The following PPARGC1A variants were observed in gnomAD, a reference collection of about 807,000 sequenced individuals.
PPARGC1A encodes peroxisome proliferator-activated receptor gamma coactivator 1-alpha.
Under a neutral mutation model 88.7 loss-of-function variants are expected in PPARGC1A, and 25 were observed. That is an observed-to-expected ratio of 0.28 (90% CI 0.21 to 0.39). PPARGC1A has a LOEUF of 0.39. PPARGC1A is among the 10% of genes least tolerant of loss of function. PPARGC1A has a pLI of 1.00. For synonymous variants in PPARGC1A, 363 were observed against 355.6 expected (o/e 1.02, Z -0.24); for missense variants, 880 against 968.7 (o/e 0.91, Z 1.22).
chr4:24,143,503 G>C, the PPARGC1A span, among the ~76,000 whole-genome samples: 3,418 of 152,246 alleles, frequency 0.022, 131 homozygotes, highest in African/African-American at 0.078. Context: ...GATCAAGCAA[G>C]AATAGCAAGA....
chr4:24,048,905 A>G, the PPARGC1A span, among the ~76,000 whole-genome samples: 1 of 152,162 alleles, frequency 6.6e-6, no homozygotes, highest in African/African-American at 2.4e-5. Context: ...TCCTTAGTCA[A>G]CATATGGCAT....
chr4:23,918,894 C>A, the PPARGC1A span, among the ~76,000 whole-genome samples: 1,155 of 152,164 alleles, frequency 7.6e-3, 16 homozygotes, highest in African/African-American at 0.026. Context: ...CAATTCCTAT[C>A]CTATACATTT....
intron 2 of PPARGC1A, among the ~76,000 whole-genome samples, chr4:23,876,589 G>A (rs775326555): frequency 1.1e-4 from 16 of 152,060 alleles, no homozygotes; most frequent in Non-Finnish European, 1.0e-4. Flanking sequence ...GAAGGGCATC[G>A]GCCACCAGGG....
At chr4:24,194,656 ACACACACACACAC>A in the PPARGC1A span, among the ~76,000 whole-genome samples, 37 of 19,464 alleles carry the variant, frequency 1.9e-3, no homozygotes, top group South Asian at 9.2e-3. Flanking sequence ...ACACACACAC[ACACACACACACAC>A]CCCCATCAAG....
the PPARGC1A span, among the ~76,000 whole-genome samples, chr4:24,450,442 C>CTTGTGCAACGA: frequency 1.3e-5 from 2 of 152,214 alleles, no homozygotes; most frequent in Non-Finnish European, 2.9e-5. Flanking sequence ...AGACCTTCGC[C>CTTGTGCAACGA]ATCACATTAT....
chr4:23,993,101 C>CA, the PPARGC1A span, among the ~76,000 whole-genome samples: 36 of 150,916 alleles, frequency 2.4e-4, no homozygotes, highest in East Asian at 9.7e-4. Context: ...GTAAAGCAAA[C>CA]AAAAAAAAGG....
chr4:24,286,500 C>A, the PPARGC1A span, among the ~76,000 whole-genome samples: 1 of 152,274 alleles, frequency 6.6e-6, no homozygotes, highest in Non-Finnish European at 1.5e-5. Flanking sequence ...CAACAGATGC[C>A]TAGGAAGAAA....
At chr4:24,054,475 T>A in the PPARGC1A span, among the ~76,000 whole-genome samples, 1 of 152,216 alleles carries the variant, frequency 6.6e-6, no homozygotes, top group Admixed American at 6.5e-5. Flanking sequence ...GCATGTCCAT[T>A]TAGGGTTTTA....
chr4:24,026,049 G>C, the PPARGC1A span, among the ~76,000 whole-genome samples: 1 of 152,166 alleles, frequency 6.6e-6, no homozygotes, highest in Non-Finnish European at 1.5e-5. Flanking sequence ...ACCTTTGAAA[G>C]AGTTGCCAAC....
At chr4:23,874,439 A>T (rs960191750) in intron 2 of PPARGC1A, among the ~76,000 whole-genome samples, 5 of 152,130 alleles carry the variant, frequency 3.3e-5, no homozygotes, top group African/African-American at 1.2e-4. Context: ...TTGTATTTAG[A>T]TATGTGACTC....
chr4:23,896,049 T>C (rs866569535), intron 1 of PPARGC1A, among the ~76,000 whole-genome samples: 3 of 151,340 alleles, frequency 2.0e-5, no homozygotes, highest in Non-Finnish European at 4.4e-5. Flanking sequence ...ATATATTTAA[T>C]AGCATAATGG....
intron 2 of PPARGC1A, among the ~76,000 whole-genome samples, chr4:23,864,783 G>A (rs1369282065): frequency 6.6e-6 from 1 of 152,208 alleles, no homozygotes; most frequent in East Asian, 1.9e-4. Flanking sequence ...AAGATTAACA[G>A]CCCGTCTTAA....
chr4:24,393,013 GCA>G, the PPARGC1A span, among the ~76,000 whole-genome samples: 40,096 of 145,686 alleles, frequency 0.28, 5,911 homozygotes, highest in African/African-American at 0.44. Flanking sequence ...TGCTCCATCA[GCA>G]CACACACACA....
chr4:24,166,199 C>T, the PPARGC1A span, among the ~76,000 whole-genome samples: 8 of 152,210 alleles, frequency 5.3e-5, no homozygotes, highest in African/African-American at 1.9e-4. Context: ...GAGTAGAGCC[C>T]TAACTCTCTT....
chr4:24,198,126 T>C, the PPARGC1A span, among the ~76,000 whole-genome samples: 1 of 152,190 alleles, frequency 6.6e-6, no homozygotes. Flanking sequence ...TTCAGGGCTA[T>C]CTAAGCATGT....
the PPARGC1A span, among the ~76,000 whole-genome samples, chr4:24,411,252 A>G: frequency 1.3e-5 from 2 of 152,326 alleles, no homozygotes; most frequent in East Asian, 3.9e-4. Context: ...GGTAACTAAC[A>G]TTTGGATAGC....
chr4:24,264,889 A>G, the PPARGC1A span, among the ~76,000 whole-genome samples: 1 of 152,208 alleles, frequency 6.6e-6, no homozygotes, highest in Non-Finnish European at 1.5e-5. Context: ...AAAGAGAAAG[A>G]CTTCATAGTG....
At chr4:24,124,289 G>A in the PPARGC1A span, among the ~76,000 whole-genome samples, 1 of 152,184 alleles carries the variant, frequency 6.6e-6, no homozygotes, top group Non-Finnish European at 1.5e-5. Context: ...TAAATTAATA[G>A]TACAGCTTAG....
At chr4:24,176,671 G>A in the PPARGC1A span, among the ~76,000 whole-genome samples, 67 of 152,154 alleles carry the variant, frequency 4.4e-4, 1 homozygote, top group African/African-American at 1.5e-3. Flanking sequence ...CCAGGGTCTC[G>A]TAACACTCTT....
Sources: gnomAD v4.1 joint callset for allele counts (sites outside exome capture counted in the v4.1 genomes callset) on GRCh38, gnomAD v4.1.1 for gene constraint, MANE v1.5 for transcripts, NCBI Gene and HGNC (gene_info 2026-07-23, HGNC 2026-07-21) for gene names.